Variants in TMCO4 observed in about 807,000 individuals in gnomAD.
The protein encoded by TMCO4 is transmembrane and coiled-coil domains 4.
In TMCO4, 58 loss-of-function variants were observed where a neutral mutation model predicts 64.7. That is an observed-to-expected ratio of 0.90 (90% CI 0.73 to 1.12). The LOEUF is 1.12. TMCO4 is among the 50% of genes most tolerant of loss of function. TMCO4 has a pLI of 0.00. For missense variants in TMCO4, 780 were observed against 825.9 expected (o/e 0.94, Z 0.68); for synonymous variants, 325 against 346.1 (o/e 0.94, Z 0.68).
chr1:19,691,141 T>C (rs1321705832), intron 15 of TMCO4, among the ~76,000 whole-genome samples: 1 of 152,180 alleles, frequency 6.6e-6, no homozygotes, highest in Non-Finnish European at 1.5e-5. Flanking sequence ...GTGCTGGGAT[T>C]ACAGGCGTGA....
At chr1:19,688,915 C>T (rs1199595664) in intron 15 of TMCO4, among the ~76,000 whole-genome samples, 1 of 152,174 alleles carries the variant, frequency 6.6e-6, no homozygotes, top group African/African-American at 2.4e-5. Context: ...TCTCTGTGCC[C>T]CAGAAGCCTC....
intron 14 of TMCO4, among the ~76,000 whole-genome samples, chr1:19,698,697 C>G (rs980757867): frequency 6.6e-6 from 1 of 152,184 alleles, no homozygotes; most frequent in African/African-American, 2.4e-5. Context: ...CACTCTCTCT[C>G]CCCTTCCCTC....
intron 15 of TMCO4, 29 bp from the exon 16 acceptor site, chr1:19,683,473 G>A (rs759281444): frequency 2.5e-5 from 40 of 1,608,810 alleles, no homozygotes; most frequent in East Asian, 6.7e-5. Context: ...GAGCACCACC[G>A]TGGGTGTGCA....
At chr1:19,741,927 C>T (rs962765799) in intron 10 of TMCO4, among the ~76,000 whole-genome samples, 8 of 151,800 alleles carry the variant, frequency 5.3e-5, no homozygotes, top group Non-Finnish European at 7.4e-5. Context: ...TCAGTAGAGA[C>T]GGGGTTTCAT....
At chr1:19,724,748 G>T (rs2095401262) in intron 13 of TMCO4, among the ~76,000 whole-genome samples, 1 of 152,040 alleles carries the variant, frequency 6.6e-6, no homozygotes, top group South Asian at 2.1e-4. Flanking sequence ...TAAGTTCAGT[G>T]CTCCTTCTTT....
intron 6 of TMCO4, among the ~76,000 whole-genome samples, chr1:19,761,503 G>A (rs1474241013): frequency 6.6e-6 from 1 of 152,208 alleles, no homozygotes; most frequent in East Asian, 1.9e-4. Flanking sequence ...AGATCTGAGG[G>A]TCAGCCTCAG....
At position 19,732,990 on chromosome 1, in the gene TMCO4, G is replaced by A. The variant is rs941483862; in HGVS notation, c.1264+4382C>T. Among the ~76,000 whole-genome samples the A allele has an allele frequency of 6.6e-6, 1 of 152,122 alleles. No homozygotes were observed. Among genetic ancestry groups the A allele is most frequent in the Non-Finnish European group, 1.5e-5 (1 of 68,028 alleles). ...TCAATATAGAAGTTTTCTAGGCCGG[G>A]CACGGTGGCTCACGCCTGTAATGCC... On this transcript the variant is annotated intron_variant, in intron 13 of 15. Transcript: ENST00000294543. The surrounding 1 kb of genome is among the most constrained non-coding windows in gnomAD (Gnocchi z 4.8).
intron 13 of TMCO4, among the ~76,000 whole-genome samples, chr1:19,704,381 C>T (rs962441671): frequency 2.0e-5 from 3 of 152,198 alleles, no homozygotes; most frequent in African/African-American, 4.8e-5. Flanking sequence ...CCTTGGAAGA[C>T]GAGGAAACAG....
intron 8 of TMCO4, 105 bp downstream of exon 8, chr1:19,747,058 C>T (rs1446466724): frequency 8.7e-7 from 1 of 1,148,872 alleles, no homozygotes. Flanking sequence ...TGCCAGGGGC[C>T]ACCTCCCAGC....
At chr1:19,751,428 T>G (rs2042013958) in intron 7 of TMCO4, among the ~76,000 whole-genome samples, 1 of 151,926 alleles carries the variant, frequency 6.6e-6, no homozygotes, top group Non-Finnish European at 1.5e-5. Context: ...TGAAATGCTG[T>G]CCCTAGAAAA....
intron 13 of TMCO4, among the ~76,000 whole-genome samples, chr1:19,736,992 T>G (rs963143278): frequency 1.3e-5 from 2 of 152,308 alleles, no homozygotes; most frequent in African/African-American, 4.8e-5. Context: ...TGCTAAGGAC[T>G]GCTGGCAGCC....
intron 4 of TMCO4, among the ~76,000 whole-genome samples, chr1:19,773,523 G>A (rs984849326): frequency 6.6e-6 from 1 of 152,180 alleles, no homozygotes; most frequent in Non-Finnish European, 1.5e-5. Context: ...CTCAGGCAAC[G>A]TGGCTCCCTT....
At chr1:19,721,288 C>A (rs1302628583) in intron 13 of TMCO4, among the ~76,000 whole-genome samples, 1 of 138,384 alleles carries the variant, frequency 7.2e-6, no homozygotes, top group Non-Finnish European at 1.5e-5. Flanking sequence ...GCAGACTATT[C>A]TCTCCATATA....
chr1:19,787,621 G>A (rs930394810), intron 2 of TMCO4, among the ~76,000 whole-genome samples: 1 of 152,218 alleles, frequency 6.6e-6, no homozygotes, highest in Non-Finnish European at 1.5e-5. Context: ...AGATGGGGAA[G>A]GGAGATGGAG....
chr1:19,775,995 C>T (rs1341785628), intron 4 of TMCO4, among the ~76,000 whole-genome samples: 1 of 152,210 alleles, frequency 6.6e-6, no homozygotes, highest in African/African-American at 2.4e-5. Flanking sequence ...GCAACCCCCA[C>T]CTCCCGGATT....
Position 19,682,389 on chromosome 1 carries a change from T to C in TMCO4, c.*651A>G. 2 of 533,880 alleles carry C rather than the reference T, an allele frequency of 3.7e-6. No homozygotes were observed. Among genetic ancestry groups the C allele is most frequent in the South Asian group, 5.2e-5 (2 of 38,226 alleles). 33.1% of individuals were successfully genotyped at this position (533,880 alleles called of 1,614,324 possible). ...TGTATTCACCATGCTCTGTTAGTGG[T>C]GTCCAGATGTTGCATGACGGGGGAG... On this transcript the variant is annotated 3_prime_UTR_variant, in exon 16 of 16. Coordinates refer to ENST00000294543, the MANE Select transcript of TMCO4 (RefSeq NM_181719.7).
At position 19,682,817 on chromosome 1, in the gene TMCO4, G is replaced by C. The variant is rs2095112450; in HGVS notation, c.*223C>G. ...TCTGATGAGGGGGCAGCTGCTCCCT[G>C]GTGGGGCTCCTCTGGGGACAGGCAG... On this transcript the variant is annotated 3_prime_UTR_variant, in exon 16 of 16. Transcript: ENST00000294543. 2.2e-5 allele frequency: 16 copies of C among 732,384 alleles called. No individual in the cohort carries two copies. The South Asian group carries it at 2.4e-4, about 11-fold the overall frequency. The allele number at this position is 732,384 out of a possible 1,614,324, so 45.4% of individuals were successfully genotyped here. A position where few individuals can be genotyped will look rare whatever the true frequency, so the allele number is the denominator to read the frequency against.
In TMCO4 at chr1:19,780,729, C is replaced by G; in HGVS notation, c.30G>C (p.Arg10Ser). Residue 10 changes from arginine to serine, a missense_variant, in exon 4 of 16, where the codon AGG (arginine) becomes AGC (serine). By Grantham distance (110) the Arg-to-Ser change is moderately radical. Coordinates refer to ENST00000294543, the MANE Select transcript of TMCO4 (RefSeq NM_181719.7). MAMWNRPCQ[R>S]LPQQPLVAEP... ...CAGCTACCAGAGGCTGCTGAGGCAGCCTCTGGCATGGCCTGTTCCACATGG... is the reference window on the plus strand; with the variant it reads ...CAGCTACCAGAGGCTGCTGAGGCAGGCTCTGGCATGGCCTGTTCCACATGG... 6.2e-7 allele frequency: 1 copy of G among 1,604,156 alleles called. No individual in the cohort carries two copies. Among genetic ancestry groups the G allele is most frequent in the Non-Finnish European group, 8.5e-7 (1 of 1,177,518 alleles).
At position 19,771,529 on chromosome 1, in the gene TMCO4, C is replaced by T. The variant is rs764927401; in HGVS notation, c.180-47G>A. 75 of 1,589,822 alleles carry T rather than the reference C, an allele frequency of 4.7e-5. No homozygotes were observed. The East Asian group carries it at 1.6e-3, about 33-fold the overall frequency. On this transcript the variant is annotated intron_variant, in intron 4 of 15. Transcript: ENST00000294543. ...GTTCTCCAGGATCCTCAGAGCTCAG[C>T]CTCCACTGGGCAGTGTAGATTAGTT... is the stretch of plus-strand genomic sequence containing the variant.
Sources: gnomAD v4.1 joint callset for allele counts (sites outside exome capture counted in the v4.1 genomes callset) on GRCh38, gnomAD v4.1.1 for gene constraint, Gnocchi (gnomAD v3.1) non-coding constraint, MANE v1.5 for transcripts, NCBI Gene and HGNC (gene_info 2026-07-23, HGNC 2026-07-21) for gene names.